The following APCDD1L variants were observed in gnomAD, a reference collection of about 807,000 sequenced individuals.
APCDD1L encodes the protein protein APCDD1-like.
Under a neutral mutation model 24.2 loss-of-function variants are expected in APCDD1L, and 21 were observed. The ratio of observed to expected loss-of-function variants is 0.87; its 90% CI spans 0.61 to 1.25. The LOEUF (loss-of-function observed/expected upper bound fraction) is 1.25, where lower values mean the gene tolerates loss of function less well. APCDD1L is among the 50% of genes most tolerant of loss of function. APCDD1L has a pLI of 0.00. For synonymous variants in APCDD1L, 321 were observed against 323.6 expected (o/e 0.99, Z 0.09); for missense variants, 704 against 711.7 (o/e 0.99, Z 0.12).
chr20:58,495,340 G>C (rs1366119988), intron 1 of APCDD1L, among the ~76,000 whole-genome samples: 1 of 152,216 alleles, frequency 6.6e-6, no homozygotes, highest in Non-Finnish European at 1.5e-5. Context: ...TCTGAGTGTG[G>C]GACCATGTGC....
chr20:58,504,022 T>C (rs1240137036), intron 1 of APCDD1L, among the ~76,000 whole-genome samples: 1 of 152,186 alleles, frequency 6.6e-6, no homozygotes, highest in Non-Finnish European at 1.5e-5. Flanking sequence ...TGAAGCACCT[T>C]GACTGACAAG....
chr20:58,499,266 G>C (rs1044891418), intron 1 of APCDD1L, among the ~76,000 whole-genome samples: 2 of 152,190 alleles, frequency 1.3e-5, no homozygotes, highest in African/African-American at 4.8e-5. Context: ...GCCACACCTA[G>C]CTGCAAGGGA....
At chr20:58,504,771 C>T (rs1308814538) in intron 1 of APCDD1L, among the ~76,000 whole-genome samples, 5 of 152,084 alleles carry the variant, frequency 3.3e-5, no homozygotes, top group Non-Finnish European at 7.4e-5. Flanking sequence ...GTTTGGGGCC[C>T]CGATGTTCCC....
chr20:58,489,448 C>A (rs529630119), intron 1 of APCDD1L, among the ~76,000 whole-genome samples: 2 of 152,124 alleles, frequency 1.3e-5, no homozygotes, highest in Non-Finnish European at 1.5e-5. Context: ...CTTTGGGAGG[C>A]CAAGGCAGGC....
rs1338103028 is a variant in APCDD1L at position 58,467,860 on chromosome 20, G to A, written c.189-202C>T. On this transcript the variant is annotated intron_variant, in intron 2 of 3. Coordinates refer to ENST00000371149, the MANE Select transcript of APCDD1L (RefSeq NM_153360.3). The surrounding 1 kb of genome is among the most constrained non-coding windows in gnomAD (Gnocchi z 5.9). The stretch of plus-strand genomic sequence containing the variant: ...GGGGCTTTGCACTGGATGCCTCGTG[G>A]CCTCGACACAAGCCTTCTAGTTCAT... Among the ~76,000 whole-genome samples, 1 of 152,176 alleles carries A rather than the reference G, an allele frequency of 6.6e-6. No homozygotes were observed. Among genetic ancestry groups the A allele is most frequent in the African/African-American group, 2.4e-5 (1 of 41,446 alleles).
intron 1 of APCDD1L, among the ~76,000 whole-genome samples, chr20:58,509,883 T>C (rs1435426683): frequency 6.6e-6 from 1 of 152,182 alleles, no homozygotes; most frequent in Non-Finnish European, 1.5e-5. Context: ...TTGCTCTTAA[T>C]ATAAAGTCCA....
chr20:58,470,805 T>TCTGCCCTCCCAACCCCAC, intron 1 of APCDD1L, 58 bp from the exon 2 acceptor site: 1 of 1,484,686 alleles, frequency 6.7e-7, no homozygotes, highest in Non-Finnish European at 8.9e-7. Context: ...ACCCACCCCA[T>TCTGCCCTCCCAACCCCAC]CTGCCCTCCC....
Position 58,461,881 on chromosome 20 carries a change from A to C in APCDD1L, c.742-327T>G. On this transcript the variant is annotated intron_variant, in intron 3 of 3. Transcript: ENST00000371149. The surrounding 1 kb of genome is among the most constrained non-coding windows in gnomAD (Gnocchi z 6.0). Reference sequence around the variant, plus strand: ...AGAGCTTTCCCGAATGCCCCATGTAAGGTGGGCCTCAGGGCTGTCACACCA... The same window carrying C: ...AGAGCTTTCCCGAATGCCCCATGTACGGTGGGCCTCAGGGCTGTCACACCA... 1 of 293,246 alleles carries C rather than the reference A, an allele frequency of 3.4e-6. No homozygotes were observed. The highest frequency in any genetic ancestry group is 6.3e-6 in the Non-Finnish European group (1 of 158,804). The allele number at this position is 293,246 out of a possible 1,614,324, so 18.2% of individuals were successfully genotyped here.
intron 1 of APCDD1L, among the ~76,000 whole-genome samples, chr20:58,472,969 G>C (rs1482189309): frequency 6.6e-6 from 1 of 152,222 alleles, no homozygotes; most frequent in East Asian, 1.9e-4. Flanking sequence ...TTCTTCAGAA[G>C]ACACTGGGTT....
At chr20:58,492,368 A>C (rs1010101116) in intron 1 of APCDD1L, among the ~76,000 whole-genome samples, 2 of 152,260 alleles carry the variant, frequency 1.3e-5, no homozygotes, top group Non-Finnish European at 2.9e-5. Context: ...AGAGAAAAAT[A>C]GATGTTAAGA....
At chr20:58,483,450 A>G (rs1159195894) in intron 1 of APCDD1L, among the ~76,000 whole-genome samples, 1 of 152,170 alleles carries the variant, frequency 6.6e-6, no homozygotes, top group Non-Finnish European at 1.5e-5. Context: ...TGGACATTTT[A>G]CACTGGATTA....
Position 58,467,372 on chromosome 20 carries a change from C to A in APCDD1L, c.475G>T (p.Ala159Ser). 2 of 1,483,932 alleles carry A rather than the reference C, an allele frequency of 1.3e-6. No homozygotes were observed. Among genetic ancestry groups the A allele is most frequent in the Non-Finnish European group, 8.9e-7 (1 of 1,124,442 alleles). 91.9% of individuals were successfully genotyped at this position (1,483,932 alleles called of 1,614,324 possible). A position where few individuals can be genotyped will look rare whatever the true frequency, so the allele number is the denominator to read the frequency against. ...GCCCGGGCCGGAGGCAGCCGCCGCG[C>A]GCAGTCCCGGCCGGCGCGGGTCTGG... ...LNQTRAGRDC[A>S]RRLPPARAWL... is the part of the protein sequence containing the mutation. Residue 159 changes from alanine to serine, a missense_variant, in exon 3 of 4, where the codon GCG (alanine) becomes TCG (serine). Physicochemically the swap from Ala to Ser is moderately conservative, Grantham distance 99 (BLOSUM62 1). Transcript: ENST00000371149. This position sits in a 1 kb window ranked among gnomAD's most constrained non-coding sequence, Gnocchi z 5.9.
intron 1 of APCDD1L, among the ~76,000 whole-genome samples, chr20:58,511,332 A>C (rs1016686477): frequency 6.6e-6 from 1 of 152,162 alleles, no homozygotes; most frequent in African/African-American, 2.4e-5. Flanking sequence ...TTCCCTTTGC[A>C]TTGGGCTATT....
At chr20:58,512,761 C>A (rs889713306) in intron 1 of APCDD1L, among the ~76,000 whole-genome samples, 2 of 152,128 alleles carry the variant, frequency 1.3e-5, no homozygotes, top group Admixed American at 1.3e-4. Flanking sequence ...ATGTAGCCAG[C>A]GGTGAAAAGA....
intron 3 of APCDD1L, among the ~76,000 whole-genome samples, chr20:58,462,376 C>A (rs1036647162): frequency 1.3e-5 from 2 of 152,066 alleles, no homozygotes; most frequent in Admixed American, 6.5e-5. Flanking sequence ...TGCAGCCTGG[C>A]TTACACCCGG....
rs770902029 is a variant in APCDD1L, at chr20:58,461,535, G to A, written c.761C>T (p.Pro254Leu). 1 of 1,433,826 alleles carries A rather than the reference G, an allele frequency of 7.0e-7. No homozygotes were observed. Among genetic ancestry groups the A allele is most frequent in the Non-Finnish European group, 9.2e-7 (1 of 1,088,108 alleles). 88.8% of individuals were successfully genotyped at this position (1,433,826 alleles called of 1,614,324 possible). A position where few individuals can be genotyped will look rare whatever the true frequency, so the allele number is the denominator to read the frequency against. The change falls in exon 4 of 4, where the codon CCA becomes CTA. Residue 254 changes from proline (P) to leucine (L), a missense_variant. Coordinates refer to ENST00000371149, the MANE Select transcript of APCDD1L (RefSeq NM_153360.3). The surrounding 1 kb of genome is among the most constrained non-coding windows in gnomAD (Gnocchi z 6.0). ...GGAGCGGGCAATGAGGCCACAGGCT[G>A]GGCACGGCTGCACGTGGTGCTGGCA... ...QSALHHVQPCPACGLIARSDV... is the reference protein window; with the variant it reads ...QSALHHVQPCLACGLIARSDV...
intron 1 of APCDD1L, chr20:58,513,767 A>G: frequency 1.5e-6 from 1 of 658,590 alleles, no homozygotes; most frequent in South Asian, 1.5e-5. Context: ...TTGTGAGCCC[A>G]TTTGACAGGA....
chr20:58,484,771 A>C (rs1471759444), intron 1 of APCDD1L, among the ~76,000 whole-genome samples: 1 of 152,184 alleles, frequency 6.6e-6, no homozygotes. Flanking sequence ...TAAACTCTTC[A>C]AACAAAAGAA....
intron 1 of APCDD1L, among the ~76,000 whole-genome samples, chr20:58,476,382 G>A (rs1989910056): frequency 6.6e-6 from 1 of 152,130 alleles, no homozygotes; most frequent in Non-Finnish European, 1.5e-5. Flanking sequence ...GTAGAGACAG[G>A]GTTTCACCAT....
Sources: allele counts gnomAD v4.1 joint callset (sites outside exome capture counted in the v4.1 genomes callset), GRCh38; gene constraint gnomAD v4.1.1; non-coding constraint Gnocchi (gnomAD v3.1); transcripts MANE v1.5; gene names NCBI Gene and HGNC (gene_info 2026-07-23, HGNC 2026-07-21).